The following EBF4 variants were observed in gnomAD, a reference collection of about 807,000 sequenced individuals.
EBF4 encodes EBF transcription factor 4.
A neutral mutation model predicts 67.1 loss-of-function variants in EBF4; 34 were observed. That is an observed-to-expected ratio of 0.51 (90% CI 0.39 to 0.67). The LOEUF is 0.67. Among genes scored for constraint, EBF4 ranks in the 30% least tolerant of loss-of-function variants. The probability of loss-of-function intolerance (pLI) is 0.00; values close to 1 mark genes in which losing one functional copy is unlikely to be tolerated. For missense variants in EBF4, 837 were observed against 873.3 expected (o/e 0.96, Z 0.52); for synonymous variants, 387 against 377.7 (o/e 1.02, Z -0.29).
rs1258642831 is a variant in EBF4 at position 2,755,773 on chromosome 20, C to T, written c.1687C>T (p.Pro563Ser). 1 of 1,550,270 alleles carries T rather than the reference C, an allele frequency of 6.5e-7. No homozygotes were observed. Among genetic ancestry groups the T allele is most frequent in the South Asian group, 1.2e-5 (1 of 84,050 alleles). The change falls in exon 15 of 17, where the codon CCA (proline) becomes TCA (serine). Residue 563 changes from proline (P) to serine (S), a missense_variant. Coordinates refer to ENST00000609451, the Ensembl canonical transcript of EBF4. The surrounding 1 kb of genome is among the most constrained non-coding windows in gnomAD (Gnocchi z 4.7). Reference sequence around the variant, plus strand: ...CGCCTTCGCCCCCGTGCTGCGCCCCCCAAGCTCCCCACCCCAGGCCTGCCC... The same window carrying T: ...CGCCTTCGCCCCCGTGCTGCGCCCCTCAAGCTCCCCACCCCAGGCCTGCCC...
chr20:2,753,921 T>C (rs2088196774), intron 14 of EBF4, among the ~76,000 whole-genome samples: 1 of 152,054 alleles, frequency 6.6e-6, no homozygotes, highest in Admixed American at 6.5e-5. Context: ...CTCCTTCCCT[T>C]CAGTTCTGGG....
At chr20:2,749,307 C>A in intron 7 of EBF4, 94 bp from the exon 8 acceptor site, 1 of 953,784 alleles carries the variant, frequency 1.0e-6, no homozygotes. Flanking sequence ...TTCCAGCATC[C>A]AACCACCAGC....
chr20:2,754,871 TG>T (rs2088212274), intron 14 of EBF4, among the ~76,000 whole-genome samples: 1 of 148,884 alleles, frequency 6.7e-6, no homozygotes, highest in Non-Finnish European at 1.5e-5. Context: ...AGCCGCAGCC[TG>T]GGTGGCTAGG....
intron 6 of EBF4, among the ~76,000 whole-genome samples, chr20:2,735,212 G>A (rs1175053623): frequency 1.3e-5 from 2 of 152,292 alleles, no homozygotes; most frequent in Admixed American, 6.5e-5. Flanking sequence ...CTGTCAGGGA[G>A]TTGCTAGAAA....
intron 5 of EBF4, among the ~76,000 whole-genome samples, chr20:2,708,716 C>T (rs907133448): frequency 6.6e-6 from 1 of 152,102 alleles, no homozygotes; most frequent in Non-Finnish European, 1.5e-5. Flanking sequence ...GATCCAGACC[C>T]TGTCTCTAAA....
chr20:2,719,276 ATTTG>A (rs933588918), intron 6 of EBF4, among the ~76,000 whole-genome samples: 1 of 151,552 alleles, frequency 6.6e-6, no homozygotes, highest in African/African-American at 2.4e-5. Context: ...TATTTTTTGT[ATTTG>A]TTTGTTTGTT....
In EBF4 at chr20:2,696,427, G is replaced by A. The variant is rs1295848567; in HGVS notation, c.137+2645G>A. ...GCAGAGGCTTCGGTGAGCCAAGATC[G>A]CACCACTGTACTCCAGCCTGGGCGG... On this transcript the variant is annotated intron_variant, in intron 1 of 16. Transcript: ENST00000609451. The surrounding 1 kb of genome is among the most constrained non-coding windows in gnomAD (Gnocchi z 4.7). Among the ~76,000 whole-genome samples the A allele has an allele frequency of 4.6e-5, 7 of 151,978 alleles. No individual in the cohort carries two copies. Among genetic ancestry groups the A allele is most frequent in the South Asian group, 2.1e-4 (1 of 4,814 alleles).
intron 10 of EBF4, among the ~76,000 whole-genome samples, chr20:2,750,937 A>G (rs2088135005): frequency 6.6e-6 from 1 of 152,122 alleles, no homozygotes; most frequent in African/African-American, 2.4e-5. Flanking sequence ...GAAATCCACT[A>G]AGTCAGGATC....
chr20:2,712,237 T>G (rs961764017), intron 6 of EBF4, among the ~76,000 whole-genome samples: 2 of 152,176 alleles, frequency 1.3e-5, no homozygotes, highest in African/African-American at 4.8e-5. Context: ...ATATTGACAA[T>G]GACCTGTACA....
Position 2,712,879 on chromosome 20 carries a change from G to A in EBF4, c.557+3237G>A, listed in dbSNP as rs369459185. ...CATCTGTGTCCAGTGCTGCTCATGG[G>A]TATGATAACAAAGACTAGGGACTGA... On this transcript the variant is annotated intron_variant, in intron 6 of 16. Coordinates refer to ENST00000609451, the Ensembl canonical transcript of EBF4. 3.3e-5 allele frequency among the ~76,000 whole-genome samples: 5 copies of A among 152,282 alleles called. No homozygotes were observed. The East Asian group carries it at 5.8e-4, about 18-fold the overall frequency.
At chr20:2,694,603 G>A (rs1255022401) in intron 1 of EBF4, among the ~76,000 whole-genome samples, 1 of 152,182 alleles carries the variant, frequency 6.6e-6, no homozygotes, top group Non-Finnish European at 1.5e-5. Flanking sequence ...CCTATGGGGA[G>A]TCACAGTGGT....
exon 5 of EBF4, chr20:2,708,012 C>T: frequency 2.5e-6 from 4 of 1,608,764 alleles, no homozygotes; most frequent in Non-Finnish European, 3.4e-6. Flanking sequence ...CCCATGAGAT[C>T]ATGTGCAGGT....
chr20:2,701,230 T>G (rs143680413), intron 1 of EBF4, among the ~76,000 whole-genome samples: 76 of 152,348 alleles, frequency 5.0e-4, no homozygotes, highest in Middle Eastern at 3.4e-3. Flanking sequence ...GATGCCGCTC[T>G]GGGCTGCCTC....
At chr20:2,705,071 T>C (rs1347529682) in intron 1 of EBF4, among the ~76,000 whole-genome samples, 1 of 152,254 alleles carries the variant, frequency 6.6e-6, no homozygotes, top group Non-Finnish European at 1.5e-5. Flanking sequence ...CTGAGCCAGT[T>C]TGATGCCTCC....
At chr20:2,735,844 A>T (rs996660651) in intron 6 of EBF4, among the ~76,000 whole-genome samples, 3 of 152,222 alleles carry the variant, frequency 2.0e-5, no homozygotes, top group African/African-American at 7.2e-5. Flanking sequence ...ATTTTGAAAA[A>T]AATTCGTGTA....
At chr20:2,752,058 C>A in intron 12 of EBF4, 28 bp from the exon 13 acceptor site, 2 of 1,453,584 alleles carry the variant, frequency 1.4e-6, no homozygotes, top group Non-Finnish European at 9.0e-7. Flanking sequence ...GCGGCTGCCC[C>A]GGCCGTGCCC....
Position 2,751,933 on chromosome 20 carries a change from G to A in EBF4, c.1119G>A (p.Leu373=). The A allele has an allele frequency of 6.5e-7, 1 of 1,549,080 alleles. No individual in the cohort carries two copies. The highest frequency in any genetic ancestry group is 8.7e-7 in the Non-Finnish European group (1 of 1,146,638). Residue 373 remains leucine (L), a synonymous_variant, in exon 12 of 17, where the codon CTG becomes CTA. Coordinates refer to ENST00000609451, the Ensembl canonical transcript of EBF4. The surrounding 1 kb of genome is among the most constrained non-coding windows in gnomAD (Gnocchi z 5.2). ...CCCCCTGTCCCCAGGAAGTGCTGCTGAAGCGGGCGGCCGACTTGGCAGAAG... is the reference window on the plus strand; with the variant it reads ...CCCCCTGTCCCCAGGAAGTGCTGCTAAAGCGGGCGGCCGACTTGGCAGAAG...
intron 14 of EBF4, among the ~76,000 whole-genome samples, chr20:2,753,563 G>A (rs1433016508): frequency 6.6e-6 from 1 of 152,256 alleles, no homozygotes; most frequent in Non-Finnish European, 1.5e-5. Flanking sequence ...TCATAAGAGA[G>A]ATTGTCCCTG....
intron 1 of EBF4, among the ~76,000 whole-genome samples, chr20:2,697,539 T>A (rs1309079083): frequency 8.3e-6 from 1 of 121,106 alleles, no homozygotes; most frequent in South Asian, 2.7e-4. Context: ...AGCGAGACTC[T>A]GTCTCAAAAA....
Sources: gnomAD v4.1 joint callset for allele counts (sites outside exome capture counted in the v4.1 genomes callset) on GRCh38, gnomAD v4.1.1 for gene constraint, Gnocchi (gnomAD v3.1) non-coding constraint, MANE v1.5 for transcripts, NCBI Gene and HGNC (gene_info 2026-07-23, HGNC 2026-07-21) for gene names.